TMC3: variants seen among roughly 807,000 people sequenced by gnomAD.
The protein encoded by TMC3 is transmembrane channel like 3, also known as transmembrane channel-like protein 3.
A neutral mutation model predicts 110.6 loss-of-function variants in TMC3; 98 were observed. That is an observed-to-expected ratio of 0.89 (90% confidence interval 0.75 to 1.05). The LOEUF is 1.05. TMC3 is among the 50% of genes least tolerant of loss of function. The probability of loss-of-function intolerance (pLI) is 0.00; values close to 1 mark genes in which losing one functional copy is unlikely to be tolerated. For synonymous variants in TMC3, 489 were observed against 513.1 expected, an observed-to-expected ratio of 0.95 and a Z score of 0.63; for missense variants, 1,319 against 1,373.2, an observed-to-expected ratio of 0.96 and a Z score of 0.62.
Position 81,332,761 on chromosome 15 carries a change from G to A in TMC3, c.2961C>T (p.His987=), listed in dbSNP as rs755806074. The part of the protein sequence containing the change: ...RSESQTRDPE[H]QGRVHYKSWN... ...ACGACTTGTAGTGCACCCTCCCCTG[G>A]TGCTCGGGATCCCGGGTCTGACTTT... is the stretch of plus-strand genomic sequence containing the variant. The change falls in exon 22 of 22, where the codon CAC becomes CAT. Residue 987 remains histidine (H), a synonymous_variant. Transcript: ENST00000359440. 19 of 1,612,528 alleles carry A rather than the reference G, an allele frequency of 1.2e-5. No individual in the cohort carries two copies. In the South Asian group the frequency reaches 1.3e-4, roughly 11 times the overall value.
chr15:81,345,788 A>T, intron 12 of TMC3, among the ~76,000 whole-genome samples: 1 of 152,104 alleles, frequency 6.6e-6, no homozygotes, highest in East Asian at 1.9e-4. Context: ...AGATGGGAGT[A>T]TCACTTGAGC....
In TMC3 at chr15:81,338,693, A is replaced by G. The variant is rs757748626; in HGVS notation, c.2043T>C (p.Ser681=). ...VWFGSVVGHI[S]SPVVILPAVL... is the part of the protein sequence containing the mutation. ...CTGCGGGCAGGATGACCACGGGGCT[A>G]CTGATGTGTCCAACCACGGAGCCAA... is the stretch of plus-strand genomic sequence containing the variant. The change falls in exon 18 of 22, where the codon AGT becomes AGC. Residue 681 remains serine, a synonymous_variant. Coordinates refer to ENST00000359440, the MANE Select transcript of TMC3 (RefSeq NM_001080532.3). The G allele has an allele frequency of 6.2e-7, 1 of 1,613,948 alleles. No homozygotes were observed. Among genetic ancestry groups the G allele is most frequent in the Non-Finnish European group, 8.5e-7 (1 of 1,179,900 alleles).
chr15:81,372,815 A>G lies in TMC3; in HGVS notation c.90-78T>C. On this transcript the variant is annotated intron_variant, in intron 1 of 21. Coordinates refer to ENST00000359440, the MANE Select transcript of TMC3 (RefSeq NM_001080532.3). ...CAAAGATCATCTTGCCCTGGGCACA[A>G]GTTCAGCATCTCACTGCCCTAGGGT... 3.3e-6 allele frequency: 5 copies of G among 1,493,516 alleles called. No homozygotes were observed. In the South Asian group the frequency reaches 6.0e-5, roughly 18 times the overall value. 92.5% of individuals were successfully genotyped at this position (1,493,516 alleles called of 1,614,324 possible). A position where few individuals can be genotyped will look rare whatever the true frequency, so the allele number is the denominator to read the frequency against.
In TMC3 at chr15:81,332,481, T is replaced by C. The variant is rs191923561; in HGVS notation, c.3241A>G (p.Lys1081Glu). Residue 1081 changes from lysine to glutamate, a missense_variant, in exon 22 of 22, where the codon AAG becomes GAG. Lys to Glu is a moderately conservative substitution (Grantham distance 56). Transcript: ENST00000359440. Reference sequence around the variant, plus strand: ...GTCAGCTCCTGCCCCGACTTGGCCTTCCTCCTGCTGGGCTGGCCCACGGAC... The same window carrying C: ...GTCAGCTCCTGCCCCGACTTGGCCTCCCTCCTGCTGGGCTGGCCCACGGAC... The part of the protein sequence containing the change: ...PRSVGQPSRR[K>E]AKSGQELTVD... 379 of 1,613,086 alleles carry C rather than the reference T, an allele frequency of 2.3e-4. 3 individuals carry two copies. The African/African-American group carries it at 4.6e-3, about 20-fold the overall frequency.
chr15:81,343,658 C>T (rs1210455817), intron 14 of TMC3, among the ~76,000 whole-genome samples: 3 of 151,312 alleles, frequency 2.0e-5, no homozygotes, highest in Non-Finnish European at 2.9e-5. Context: ...GGCATGGTGG[C>T]ATGTGCCTAT....
At chr15:81,350,357 A>C (rs1281911813) in intron 10 of TMC3, among the ~76,000 whole-genome samples, 1 of 152,252 alleles carries the variant, frequency 6.6e-6, no homozygotes, top group Non-Finnish European at 1.5e-5. Flanking sequence ...CCAATAGAAA[A>C]GGAAAGCCTG....
chr15:81,349,553 GACC>G lies in TMC3; in HGVS notation c.1095_1097del (p.Val366del), dbSNP rs767393538. 2.6e-5 allele frequency: 40 copies of G among 1,539,126 alleles called. No individual in the cohort carries two copies. The highest frequency in any genetic ancestry group is 7.5e-5 in the South Asian group (6 of 79,544). On this transcript the variant is annotated inframe_deletion, in exon 11 of 22. Transcript: ENST00000359440. ...ATGGTGCTATCATGGTGACGAGGGA[GACC>G]ACCACACTGACCTGCTGAGAGAGCA...
chr15:81,356,481 T>C lies in TMC3; in HGVS notation c.857A>G (p.Glu286Gly). ...GTTCACTATGGCAGCTGTTTTGCTC[T>C]CTGCAGCCTCTGGGTTTCCAATGAG... Reference protein sequence around the residue: ...DYLIGNPEAAESKTAAIVNSI... With the variant: ...DYLIGNPEAAGSKTAAIVNSI... Residue 286 changes from glutamate (E) to glycine (G), a missense_variant, in exon 8 of 22, where the codon GAG becomes GGG. Glu to Gly is a moderately conservative substitution (Grantham distance 98, BLOSUM62 -2). Transcript: ENST00000359440. The C allele has an allele frequency of 6.4e-7, 1 of 1,567,788 alleles. No homozygotes were observed. Among genetic ancestry groups the C allele is most frequent in the Admixed American group, 1.9e-5 (1 of 53,356 alleles).
Position 81,345,027 on chromosome 15 carries a change from G to C in TMC3, c.1273-16C>G, listed in dbSNP as rs1893796996. 2 of 1,556,000 alleles carry C rather than the reference G, an allele frequency of 1.3e-6. No homozygotes were observed. Among genetic ancestry groups the C allele is most frequent in the Non-Finnish European group, 1.7e-6 (2 of 1,148,858 alleles). Reference sequence around the variant, plus strand: ...TAGCCATTTCCTGGGGAGAGAGAGAGAGAGAGAGAGGGAAGCAGGGGAGAA... The same window carrying C: ...TAGCCATTTCCTGGGGAGAGAGAGACAGAGAGAGAGGGAAGCAGGGGAGAA... On this transcript the variant is annotated splice_polypyrimidine_tract_variant and intron_variant, in intron 12 of 21. Coordinates refer to ENST00000359440, the MANE Select transcript of TMC3 (RefSeq NM_001080532.3).
intron 19 of TMC3, among the ~76,000 whole-genome samples, chr15:81,337,429 A>G (rs1358270955): frequency 5.3e-5 from 8 of 152,162 alleles, no homozygotes; most frequent in African/African-American, 1.4e-4. Context: ...AAAGGATATG[A>G]AAGAGGTGAG....
Position 81,343,297 on chromosome 15 carries a change from A to G in TMC3, c.1696T>C (p.Tyr566His). ...KIAENVLHLV[Y>H]NQGMIWMGAF... The stretch of plus-strand genomic sequence containing the variant: ...ACCTACCAAATCATTCCTTGGTTGT[A>G]GACTAAATGTAGCACATTCTCAGCT... The change falls in exon 15 of 22, where the codon TAC becomes CAC. Residue 566 changes from tyrosine to histidine, a missense_variant. By Grantham distance (83) the Tyr-to-His change is moderately conservative. Transcript: ENST00000359440. 1.2e-6 allele frequency: 2 copies of G among 1,609,492 alleles called. No homozygotes were observed. Among genetic ancestry groups the G allele is most frequent in the Non-Finnish European group, 1.7e-6 (2 of 1,175,742 alleles).
intron 11 of TMC3, among the ~76,000 whole-genome samples, chr15:81,347,738 C>A (rs978208230): frequency 1.1e-4 from 16 of 152,246 alleles, no homozygotes; most frequent in Non-Finnish European, 2.4e-4. Flanking sequence ...TAGTTTTCAA[C>A]ATGAGTAACG....
At chr15:81,358,939 T>G (rs1399617972) in intron 5 of TMC3, among the ~76,000 whole-genome samples, 4 of 152,216 alleles carry the variant, frequency 2.6e-5, no homozygotes, top group African/African-American at 9.6e-5. Flanking sequence ...TTATTTCAAC[T>G]TTGGGCTGGC....
rs200729546 is a variant in TMC3 at position 81,359,423 on chromosome 15, A to T, written c.443T>A (p.Leu148Ter). The T allele has an allele frequency of 1.3e-5, 21 of 1,605,824 alleles. 1 individual carries two copies. In the African/African-American group the frequency reaches 2.3e-4, roughly 17 times the overall value. Residue 148 changes from leucine (L) to a stop codon, truncating the protein, a stop_gained, in exon 5 of 22, where the codon TTA becomes TAA. Coordinates refer to ENST00000359440, the MANE Select transcript of TMC3 (RefSeq NM_001080532.3). LOFTEE classifies it high-confidence loss of function. ...VASYFIFLRW[L>*]FGINIVLTIM... is the part of the protein sequence containing the mutation. ...GGTGAGCACAATATTAATTCCAAAT[A>T]ACCATCTCAAGAATATGAAATAGGA...
intron 9 of TMC3, 26 bp from the exon 10 acceptor site, chr15:81,351,867 CG>C: frequency 6.2e-7 from 1 of 1,610,016 alleles, no homozygotes; most frequent in South Asian, 1.1e-5. Context: ...GGCATGAGAA[CG>C]GTACACAGGG....
At chr15:81,350,099 G>T (rs981575478) in intron 10 of TMC3, among the ~76,000 whole-genome samples, 1 of 143,040 alleles carries the variant, frequency 7.0e-6, no homozygotes, top group Non-Finnish European at 1.5e-5. Flanking sequence ...AAAAAAAAAA[G>T]TGGCACATGC....
At chr15:81,368,471 CACAAA>C in intron 2 of TMC3, 143 bp from the exon 3 acceptor site, 9 of 617,340 alleles carry the variant, frequency 1.5e-5, no homozygotes, top group African/African-American at 3.7e-5. Flanking sequence ...AATGGAGTTA[CACAAA>C]TACTTCATGG....
Position 81,346,347 on chromosome 15 carries a change from T to C in TMC3, c.1272+18A>G, listed in dbSNP as rs775990194. The C allele has an allele frequency of 1.1e-5, 17 of 1,612,032 alleles. No individual in the cohort carries two copies. The East Asian group carries it at 3.3e-4, about 32-fold the overall frequency. ...AGGGCAGAGGTGGGGCAGGCAACTA[T>C]CTGGGATGGGCACTCACCTCAATGC... On this transcript the variant is annotated intron_variant, in intron 12 of 21. Coordinates refer to ENST00000359440, the MANE Select transcript of TMC3 (RefSeq NM_001080532.3).
chr15:81,336,451 C>T (rs1464675855), intron 20 of TMC3, among the ~76,000 whole-genome samples, 158 bp downstream of exon 20: 1 of 152,038 alleles, frequency 6.6e-6, no homozygotes, highest in Non-Finnish European at 1.5e-5. Context: ...ACCTGTAATC[C>T]CAGCTACTCA....
Sources: gnomAD v4.1 joint callset for allele counts (sites outside exome capture counted in the v4.1 genomes callset) on GRCh38, gnomAD v4.1.1 for gene constraint, MANE v1.5 for transcripts, NCBI Gene and HGNC (gene_info 2026-07-23, HGNC 2026-07-21) for gene names.